The following MRTFA variants were observed in gnomAD, a reference collection of about 807,000 sequenced individuals.
MRTFA encodes myocardin-related transcription factor A.
MRTFA carries 20 observed loss-of-function variants against 83.5 expected under a neutral mutation model. That is an observed-to-expected ratio of 0.24 (90% CI 0.17 to 0.35). The LOEUF is 0.35. Ranked by LOEUF, MRTFA falls within the 10% of genes least tolerant of loss-of-function variation. The probability of loss-of-function intolerance (pLI) is 1.00; values close to 1 mark genes in which losing one functional copy is unlikely to be tolerated. For synonymous variants in MRTFA, 659 were observed against 541.2 expected (o/e 1.22, Z -3.02); for missense variants, 1,200 against 1,224.7 (o/e 0.98, Z 0.30).
intron 3 of MRTFA, among the ~76,000 whole-genome samples, chr22:40,491,185 T>C (rs913082055): frequency 2.0e-5 from 3 of 151,960 alleles, no homozygotes; most frequent in African/African-American, 7.3e-5. Context: ...CTACAAAAAA[T>C]ATAAAAATTA....
In MRTFA at chr22:40,543,053, C is replaced by G. The variant is rs574134516; in HGVS notation, c.241+9053G>C. Among the ~76,000 whole-genome samples the G allele has an allele frequency of 8.5e-5, 13 of 152,204 alleles. No individual in the cohort carries two copies. In the South Asian group the frequency reaches 2.3e-3, roughly 27 times the overall value. On this transcript the variant is annotated intron_variant, in intron 3 of 14. Transcript: ENST00000355630. ...ATGAGAAATTGATTATCTCTAAGTA[C>G]TGGAATGAAGTAGGTCATGAAATTC...
At chr22:40,494,509 T>C (rs1451202907) in intron 3 of MRTFA, among the ~76,000 whole-genome samples, 1 of 151,948 alleles carries the variant, frequency 6.6e-6, no homozygotes, top group African/African-American at 2.4e-5. Flanking sequence ...GTGAGACCTC[T>C]TCTCTACAAA....
At chr22:40,561,433 G>A (rs1042243860) in intron 2 of MRTFA, among the ~76,000 whole-genome samples, 2 of 151,042 alleles carry the variant, frequency 1.3e-5, no homozygotes, top group African/African-American at 4.9e-5. Context: ...AGAGGTTGCA[G>A]TGAGTCAAGA....
intron 2 of MRTFA, among the ~76,000 whole-genome samples, chr22:40,563,975 C>T (rs1015364617): frequency 3.3e-5 from 5 of 152,044 alleles, no homozygotes; most frequent in African/African-American, 4.8e-5. Context: ...TGTTGATATC[C>T]TGAATTGGGG....
intron 3 of MRTFA, among the ~76,000 whole-genome samples, chr22:40,475,054 G>A (rs188307246): frequency 1.3e-5 from 2 of 151,952 alleles, no homozygotes; most frequent in Non-Finnish European, 2.9e-5. Flanking sequence ...GGCCAGGCTG[G>A]TCTAGAACTC....
chr22:40,585,510 T>C (rs1470534647), intron 2 of MRTFA, among the ~76,000 whole-genome samples: 1 of 152,144 alleles, frequency 6.6e-6, no homozygotes, highest in East Asian at 1.9e-4. Context: ...TTGCATAACA[T>C]TATGAATGTA....
At chr22:40,418,172 C>T (rs150642076) in intron 12 of MRTFA, among the ~76,000 whole-genome samples, 10 of 152,348 alleles carry the variant, frequency 6.6e-5, no homozygotes, top group African/African-American at 2.4e-4. Context: ...GGGAGCTCAC[C>T]AATGGCTCCG....
chr22:40,418,728 G>A lies in MRTFA; in HGVS notation c.2010C>T (p.Pro670=). The change falls in exon 12 of 15, where the codon CCC becomes CCT. Residue 670 remains proline, a synonymous_variant. Transcript: ENST00000355630. Reference sequence around the variant, plus strand: ...TCTCCTGCTTCACGGGGGTGCCGAGGGGGGCGGGGGCGGGGGCGGGCTGCT... The same window carrying A: ...TCTCCTGCTTCACGGGGGTGCCGAGAGGGGCGGGGGCGGGGGCGGGCTGCT... 6.9e-7 allele frequency: 1 copy of A among 1,456,172 alleles called. No homozygotes were observed. The highest frequency in any genetic ancestry group is 9.0e-7 in the Non-Finnish European group (1 of 1,106,756). 90.2% of individuals were successfully genotyped at this position (1,456,172 alleles called of 1,614,324 possible).
chr22:40,631,560 T>C (rs1043589251), intron 1 of MRTFA, among the ~76,000 whole-genome samples: 2 of 152,184 alleles, frequency 1.3e-5, no homozygotes, highest in Non-Finnish European at 2.9e-5. Flanking sequence ...CTAGTATTTA[T>C]GTTAACTACT....
At chr22:40,493,324 G>A (rs1437042309) in intron 3 of MRTFA, among the ~76,000 whole-genome samples, 1 of 152,192 alleles carries the variant, frequency 6.6e-6, no homozygotes, top group African/African-American at 2.4e-5. Context: ...GCTAAGCGAG[G>A]CATGCAGTAT....
chr22:40,494,082 T>C (rs1038977223), intron 3 of MRTFA, among the ~76,000 whole-genome samples: 1 of 152,232 alleles, frequency 6.6e-6, no homozygotes, highest in Non-Finnish European at 1.5e-5. Flanking sequence ...TGTGTGTCTC[T>C]ATGCCTATAT....
At chr22:40,530,428 C>A (rs2055057875) in intron 3 of MRTFA, among the ~76,000 whole-genome samples, 2 of 152,238 alleles carry the variant, frequency 1.3e-5, no homozygotes, top group Admixed American at 6.5e-5. Context: ...CCCCAAGTAG[C>A]TGGGACTACA....
intron 3 of MRTFA, among the ~76,000 whole-genome samples, chr22:40,468,685 G>A (rs1026624838): frequency 6.6e-6 from 1 of 152,188 alleles, no homozygotes; most frequent in African/African-American, 2.4e-5. Context: ...AATGCCCCTG[G>A]ACTAGAAATT....
At chr22:40,498,188 T>C (rs1170595994) in intron 3 of MRTFA, among the ~76,000 whole-genome samples, 2 of 147,020 alleles carry the variant, frequency 1.4e-5, no homozygotes, top group Non-Finnish European at 1.5e-5. Context: ...AGCATGCACT[T>C]ACAAAAATTT....
intron 2 of MRTFA, among the ~76,000 whole-genome samples, chr22:40,592,271 A>G (rs2147379417): frequency 6.6e-6 from 1 of 150,890 alleles, no homozygotes; most frequent in Admixed American, 6.6e-5. Flanking sequence ...CTCTACAAAA[A>G]AAAAAAAAAA....
At chr22:40,500,474 G>T (rs1343957558) in intron 3 of MRTFA, among the ~76,000 whole-genome samples, 1 of 148,302 alleles carries the variant, frequency 6.7e-6, no homozygotes, top group Non-Finnish European at 1.5e-5. Flanking sequence ...GACAATAGTG[G>T]AGGGAAGGTC....
chr22:40,419,793 A>G (rs914958968), intron 11 of MRTFA, among the ~76,000 whole-genome samples: 8 of 152,216 alleles, frequency 5.3e-5, no homozygotes, highest in African/African-American at 1.7e-4. Flanking sequence ...GCTTGGTCCA[A>G]TCCATCTTCT....
chr22:40,602,063 A>T (rs111779150), intron 1 of MRTFA, among the ~76,000 whole-genome samples: 3 of 152,334 alleles, frequency 2.0e-5, no homozygotes, highest in African/African-American at 7.2e-5. Context: ...GGAATGTCCC[A>T]AAACAAGAGA....
chr22:40,627,694 T>C (rs2056597304), intron 1 of MRTFA, among the ~76,000 whole-genome samples: 1 of 152,150 alleles, frequency 6.6e-6, no homozygotes, highest in African/African-American at 2.4e-5. Flanking sequence ...AAAACAGATC[T>C]GGATTCAAAT....
Sources: gnomAD v4.1 joint callset for allele counts (sites outside exome capture counted in the v4.1 genomes callset) on GRCh38, gnomAD v4.1.1 for gene constraint, MANE v1.5 for transcripts, NCBI Gene and HGNC (gene_info 2026-07-23, HGNC 2026-07-21) for gene names.